The following KLRF1 variants were observed in gnomAD, a reference collection of about 807,000 sequenced individuals.
The protein encoded by KLRF1 is killer cell lectin like receptor F1.
In KLRF1, 27 loss-of-function variants were observed where a neutral mutation model predicts 30.7. The ratio of observed to expected loss-of-function variants is 0.88; its 90% CI spans 0.65 to 1.21. The LOEUF (loss-of-function observed/expected upper bound fraction) is 1.21. Ranked by LOEUF, KLRF1 falls within the 50% of genes most tolerant of loss-of-function variation. The pLI is 0.00. For synonymous variants in KLRF1, 92 were observed against 89.3 expected, an observed-to-expected ratio of 1.03 and a Z score of -0.17; for missense variants, 246 against 259.3, an observed-to-expected ratio of 0.95 and a Z score of 0.35.
At chr12:9,832,515 C>T (rs1367879502) in intron 2 of KLRF1, 101 bp downstream of exon 2, 5 of 695,282 alleles carry the variant, frequency 7.2e-6, no homozygotes, top group Non-Finnish European at 9.7e-6. Flanking sequence ...CTACATTAAC[C>T]AAGATTGAAT....
the KLRF1 span, among the ~76,000 whole-genome samples, chr12:9,818,773 T>G: frequency 2.6e-4 from 40 of 152,306 alleles, no homozygotes; most frequent in Middle Eastern, 3.4e-3. Flanking sequence ...GCCAAAAAAA[T>G]TGTCAGTATT....
chr12:9,810,027 C>T, the KLRF1 span, among the ~76,000 whole-genome samples: 1 of 152,102 alleles, frequency 6.6e-6, no homozygotes, highest in Non-Finnish European at 1.5e-5. Flanking sequence ...TAAATTTCAT[C>T]ATTAAATCAC....
At chr12:9,834,640 C>A (rs915832795) in intron 3 of KLRF1, among the ~76,000 whole-genome samples, 1 of 151,944 alleles carries the variant, frequency 6.6e-6, no homozygotes, top group African/African-American at 2.4e-5. Context: ...ACGGCAGATA[C>A]AAGGTCCGAA....
chr12:9,816,025 T>C, the KLRF1 span, among the ~76,000 whole-genome samples: 1 of 152,114 alleles, frequency 6.6e-6, no homozygotes, highest in Non-Finnish European at 1.5e-5. Context: ...TCCAGGTTGG[T>C]CAGGCTGGTC....
chr12:9,824,691 C>T (rs1867261897), upstream of KLRF1, among the ~76,000 whole-genome samples: 1 of 152,086 alleles, frequency 6.6e-6, no homozygotes, highest in South Asian at 2.1e-4. Context: ...GTTTTCAGAC[C>T]ATATGATTAT....
the KLRF1 span, among the ~76,000 whole-genome samples, chr12:9,808,429 C>A: frequency 0.27 from 40,819 of 151,870 alleles, 5,841 homozygotes; most frequent in African/African-American, 0.37. Flanking sequence ...AACTTATGCC[C>A]TAGTTGTAAT....
At chr12:9,817,214 A>T in the KLRF1 span, 1 of 182,578 alleles carries the variant, frequency 5.5e-6, no homozygotes, top group African/African-American at 2.4e-5. Flanking sequence ...AATATTACTT[A>T]ACAGTATCTA....
chr12:9,814,180 A>C, the KLRF1 span, among the ~76,000 whole-genome samples: 1 of 152,244 alleles, frequency 6.6e-6, no homozygotes, highest in South Asian at 2.1e-4. Context: ...AGTGCAGTGC[A>C]CTGGGGAGGC....
At chr12:9,810,360 A>G in the KLRF1 span, among the ~76,000 whole-genome samples, 1 of 152,204 alleles carries the variant, frequency 6.6e-6, no homozygotes, top group Non-Finnish European at 1.5e-5. Flanking sequence ...TAGAATAACT[A>G]GGGCTTATCT....
At chr12:9,830,727 C>T (rs1330771682) in intron 1 of KLRF1, among the ~76,000 whole-genome samples, 1 of 151,426 alleles carries the variant, frequency 6.6e-6, no homozygotes, top group Non-Finnish European at 1.5e-5. Flanking sequence ...TAGAATAAAC[C>T]AATCATGGTT....
chr12:9,806,836 A>G, the KLRF1 span, among the ~76,000 whole-genome samples: 3 of 152,018 alleles, frequency 2.0e-5, no homozygotes, highest in Non-Finnish European at 2.9e-5. Context: ...ACATGCCACT[A>G]TGCCTGGCTA....
chr12:9,814,269 G>A, the KLRF1 span, among the ~76,000 whole-genome samples: 1 of 152,176 alleles, frequency 6.6e-6, no homozygotes, highest in African/African-American at 2.4e-5. Context: ...GCCACTGACA[G>A]CCACCCCGAC....
chr12:9,814,345 A>T, the KLRF1 span, among the ~76,000 whole-genome samples: 10 of 152,146 alleles, frequency 6.6e-5, no homozygotes, highest in Non-Finnish European at 8.8e-5. Flanking sequence ...CACAGCCGGG[A>T]CTGCCACCAC....
chr12:9,806,201 T>G, the KLRF1 span, among the ~76,000 whole-genome samples: 1 of 152,056 alleles, frequency 6.6e-6, no homozygotes, highest in Non-Finnish European at 1.5e-5. Context: ...CTGCTTTGTT[T>G]GCATCCTATA....
At chr12:9,811,730 T>C in the KLRF1 span, among the ~76,000 whole-genome samples, 1 of 152,166 alleles carries the variant, frequency 6.6e-6, no homozygotes, top group Non-Finnish European at 1.5e-5. Context: ...AAATGCAGCT[T>C]TCGGGAAAAT....
upstream of KLRF1, among the ~76,000 whole-genome samples, chr12:9,823,561 A>G (rs1867250230): frequency 1.3e-5 from 2 of 152,178 alleles, no homozygotes; most frequent in Non-Finnish European, 2.9e-5. Context: ...TTAACACTCT[A>G]ACATATAACT....
In KLRF1 at chr12:9,833,415, T is replaced by A. The variant is rs374833902; in HGVS notation, c.297T>A (p.Asn99Lys). ...ATGGCACAAGAAGAAATATAAGTAA[T>A]AAGGACCTTTGTGCTTCGAGATCTG... ...VNNGTRRNIS[N>K]KDLCASRSAD... is the part of the protein sequence containing the mutation. The change falls in exon 3 of 6, where the codon AAT becomes AAA. Residue 99 changes from asparagine (N) to lysine (K), a missense_variant. By Grantham distance (94) the Asn-to-Lys change is moderately conservative (BLOSUM62 0). Transcript: ENST00000617889. The A allele has an allele frequency of 9.9e-6, 16 of 1,611,642 alleles. No individual in the cohort carries two copies. Among genetic ancestry groups the A allele is most frequent in the Non-Finnish European group, 1.4e-5 (16 of 1,178,858 alleles).
chr12:9,842,124 A>G (rs1308623127), intron 4 of KLRF1, among the ~76,000 whole-genome samples, 173 bp downstream of exon 4: 1 of 152,014 alleles, frequency 6.6e-6, no homozygotes, highest in African/African-American at 2.4e-5. Flanking sequence ...GATCTGGCCC[A>G]AATTCATATA....
At chr12:9,832,656 A>AGTGTGTGTGT (rs58686028) in intron 2 of KLRF1, among the ~76,000 whole-genome samples, 18 of 146,720 alleles carry the variant, frequency 1.2e-4, no homozygotes, top group East Asian at 6.0e-4. Context: ...GTATGTGTAG[A>AGTGTGTGTGT]GTGTGTGTGT....
Sources: allele counts gnomAD v4.1 joint callset (sites outside exome capture counted in the v4.1 genomes callset), GRCh38; gene constraint gnomAD v4.1.1; transcripts MANE v1.5; gene names NCBI Gene and HGNC (gene_info 2026-07-23, HGNC 2026-07-21).